The following HS3ST4 variants were observed in gnomAD, a reference collection of about 807,000 sequenced individuals.
The protein encoded by HS3ST4 is heparan sulfate-glucosamine 3-sulfotransferase 4.
In HS3ST4, 17 loss-of-function variants were observed where a neutral mutation model predicts 29.2. That is an observed-to-expected ratio of 0.58 (90% CI 0.40 to 0.87). The LOEUF (loss-of-function observed/expected upper bound fraction) is 0.87, where lower values mean the gene tolerates loss of function less well. HS3ST4 is among the 40% of genes least tolerant of loss of function. The probability of loss-of-function intolerance (pLI) is 0.00; values close to 1 mark genes in which losing one functional copy is unlikely to be tolerated. For missense variants in HS3ST4, 627 were observed against 634.5 expected (o/e 0.99, Z 0.13); for synonymous variants, 314 against 285.7 (o/e 1.10, Z -1.00).
chr16:25,978,011 A>C (rs11859446), intron 1 of HS3ST4, among the ~76,000 whole-genome samples: 1 of 152,226 alleles, frequency 6.6e-6, no homozygotes, highest in South Asian at 2.1e-4. Flanking sequence ...AGCAAGTATC[A>C]TCACATTTTT....
intron 1 of HS3ST4, among the ~76,000 whole-genome samples, chr16:25,856,006 G>A (rs1967570951): frequency 6.6e-6 from 1 of 151,960 alleles, no homozygotes; most frequent in African/African-American, 2.4e-5. Context: ...TTGTTATGGA[G>A]AATGCTCTGG....
chr16:25,993,984 GTGTGTGTGTGTGTGTGTGTGTGTGGTGGA>G (rs1969136860), intron 1 of HS3ST4, among the ~76,000 whole-genome samples: 2 of 149,936 alleles, frequency 1.3e-5, no homozygotes, highest in Non-Finnish European at 1.5e-5. Flanking sequence ...GTGTGTGTGT[GTGTGTGTGTGTGTGTGTGTGTGTGGTGGA>G]GAGAGAGAGA....
chr16:25,815,070 C>T (rs1364015572), intron 1 of HS3ST4, among the ~76,000 whole-genome samples: 1 of 152,164 alleles, frequency 6.6e-6, no homozygotes, highest in African/African-American at 2.4e-5. Context: ...ATGTCTGTGT[C>T]CATATGTGGA....
chr16:25,822,142 C>T (rs12373053), intron 1 of HS3ST4, among the ~76,000 whole-genome samples: 56,317 of 151,864 alleles, frequency 0.37, 10,647 homozygotes, highest in East Asian at 0.42. Flanking sequence ...ATTGGGGGCT[C>T]TTATAACAAA....
At chr16:25,959,760 G>A (rs976321450) in intron 1 of HS3ST4, among the ~76,000 whole-genome samples, 68 of 152,132 alleles carry the variant, frequency 4.5e-4, no homozygotes, top group African/African-American at 1.6e-3. Flanking sequence ...CCTGGTGGGA[G>A]GTGTTGGATC....
chr16:26,108,314 T>A (rs550011087), intron 1 of HS3ST4, among the ~76,000 whole-genome samples: 94 of 152,338 alleles, frequency 6.2e-4, no homozygotes, highest in African/African-American at 2.3e-3. Context: ...TTGGTTGGGT[T>A]ACTCTCTGAG....
chr16:25,923,625 T>C (rs541416974), intron 1 of HS3ST4, among the ~76,000 whole-genome samples: 2 of 129,560 alleles, frequency 1.5e-5, no homozygotes, highest in East Asian at 3.9e-4. Flanking sequence ...TTAAAATATA[T>C]GTGTGTGTGT....
At chr16:25,722,897 G>C (rs1054230655) in intron 1 of HS3ST4, among the ~76,000 whole-genome samples, 1 of 152,126 alleles carries the variant, frequency 6.6e-6, no homozygotes, top group Non-Finnish European at 1.5e-5. Context: ...CCCAATAATG[G>C]GTTATTTATA....
Position 25,692,857 on chromosome 16 carries a change from G to T in HS3ST4, c.440G>T (p.Ser147Ile), listed in dbSNP as rs745887729. Residue 147 changes from serine to isoleucine, a missense_variant, in exon 1 of 2, where the codon AGC becomes ATC. Physicochemically the swap from Ser to Ile is moderately radical, Grantham distance 142. Coordinates refer to ENST00000331351, the MANE Select transcript of HS3ST4 (RefSeq NM_006040.3). Reference protein sequence around the residue: ...DAWLRTPLAPSEMITAQSALP... With the variant: ...DAWLRTPLAPIEMITAQSALP... Reference sequence around the variant, plus strand: ...TGGCTCCGGACCCCGCTGGCCCCCAGCGAGATGATCACGGCTCAGAGCGCG... The same window carrying T: ...TGGCTCCGGACCCCGCTGGCCCCCATCGAGATGATCACGGCTCAGAGCGCG... The T allele has an allele frequency of 1.0e-5, 15 of 1,482,116 alleles. No homozygotes were observed. Among genetic ancestry groups the T allele is most frequent in the Non-Finnish European group, 3.6e-6 (4 of 1,116,244 alleles). The allele number at this position is 1,482,116 out of a possible 1,614,324, so 91.8% of individuals were successfully genotyped here.
rs138386289 is a variant in HS3ST4 at position 25,780,341 on chromosome 16, C to T, written c.734+87190C>T. Among the ~76,000 whole-genome samples the T allele has an allele frequency of 7.2e-5, 11 of 152,296 alleles. No homozygotes were observed. In the East Asian group the frequency reaches 1.9e-3, roughly 27 times the overall value. ...TAGGAGCATGGTCTTTGGAGCTAAA[C>T]TGCCTGGGTTCAAATCCCAGTTTAG... On this transcript the variant is annotated intron_variant, in intron 1 of 1. Coordinates refer to ENST00000331351, the MANE Select transcript of HS3ST4 (RefSeq NM_006040.3).
At chr16:26,132,413 A>G (rs887878641) in intron 1 of HS3ST4, among the ~76,000 whole-genome samples, 1 of 152,140 alleles carries the variant, frequency 6.6e-6, no homozygotes, top group African/African-American at 2.4e-5. Context: ...TTTCACATTC[A>G]TGGGTAGCAT....
chr16:26,042,354 C>CTGTG (rs71732983), intron 1 of HS3ST4, among the ~76,000 whole-genome samples: 2,063 of 148,542 alleles, frequency 0.014, 29 homozygotes, highest in African/African-American at 0.036. Flanking sequence ...GCATTTATCT[C>CTGTG]TGTGTGTGTG....
At chr16:25,777,641 G>A (rs376570141) in intron 1 of HS3ST4, among the ~76,000 whole-genome samples, 5 of 152,212 alleles carry the variant, frequency 3.3e-5, no homozygotes, top group South Asian at 2.1e-4. Flanking sequence ...GGTGCCAGGC[G>A]CCTGTAGTCC....
chr16:25,821,880 G>T lies in HS3ST4; in HGVS notation c.734+128729G>T, dbSNP rs528689913. Among the ~76,000 whole-genome samples, 11 of 152,240 alleles carry T rather than the reference G, an allele frequency of 7.2e-5. No individual in the cohort carries two copies. The East Asian group carries it at 1.5e-3, about 21-fold the overall frequency. Reference sequence around the variant, plus strand: ...CTGAGGATCGTGCCACTACCCTCTAGCCAACTCCATCTCTTAAAGAAAAAA... The same window carrying T: ...CTGAGGATCGTGCCACTACCCTCTATCCAACTCCATCTCTTAAAGAAAAAA... On this transcript the variant is annotated intron_variant, in intron 1 of 1. Transcript: ENST00000331351.
intron 1 of HS3ST4, among the ~76,000 whole-genome samples, chr16:25,906,359 A>G (rs560926963): frequency 6.6e-6 from 1 of 152,268 alleles, no homozygotes; most frequent in East Asian, 1.9e-4. Context: ...TACCCTATGT[A>G]TCTAGAATAC....
intron 1 of HS3ST4, among the ~76,000 whole-genome samples, chr16:26,071,918 G>A (rs928211694): frequency 6.6e-6 from 1 of 152,006 alleles, no homozygotes; most frequent in East Asian, 1.9e-4. Flanking sequence ...ACTCACGAGG[G>A]GTCTCAAATT....
chr16:25,773,988 T>A (rs1268812833), intron 1 of HS3ST4, among the ~76,000 whole-genome samples: 1 of 152,188 alleles, frequency 6.6e-6, no homozygotes, highest in African/African-American at 2.4e-5. Context: ...ATTGGTTGTA[T>A]CATTGTCATT....
intron 1 of HS3ST4, among the ~76,000 whole-genome samples, chr16:25,772,115 G>C (rs560607614): frequency 6.6e-6 from 1 of 152,338 alleles, no homozygotes; most frequent in African/African-American, 2.4e-5. Context: ...CAAGGCAGCA[G>C]GCTAGATTTG....
At chr16:25,962,956 T>A (rs1187449980) in intron 1 of HS3ST4, among the ~76,000 whole-genome samples, 2 of 152,164 alleles carry the variant, frequency 1.3e-5, no homozygotes, top group East Asian at 3.9e-4. Context: ...CCATTACTCC[T>A]CCTACTGCCA....
Sources: gnomAD v4.1 joint callset for allele counts (sites outside exome capture counted in the v4.1 genomes callset) on GRCh38, gnomAD v4.1.1 for gene constraint, MANE v1.5 for transcripts, NCBI Gene and HGNC (gene_info 2026-07-23, HGNC 2026-07-21) for gene names.